Variants in CSMD1 observed in about 807,000 individuals in gnomAD.
The protein encoded by CSMD1 is CUB and Sushi multiple domains 1.
Under a neutral mutation model 417.5 loss-of-function variants are expected in CSMD1, and 213 were observed. The observed-to-expected ratio is 0.51, with a 90% confidence interval of 0.46 to 0.57. CSMD1 has a LOEUF of 0.57. CSMD1 is among the 20% of genes least tolerant of loss of function. The pLI, the probability that CSMD1 is intolerant of heterozygous loss-of-function variation, is 0.00. For synonymous variants in CSMD1, 2,862 were observed against 1,736.8 expected (o/e 1.65, Z -16.11); for missense variants, 6,923 against 4,529.7 (o/e 1.53, Z -15.17).
At chr8:4,705,550 C>A (rs182090512) in intron 1 of CSMD1, among the ~76,000 whole-genome samples, 4 of 152,152 alleles carry the variant, frequency 2.6e-5, no homozygotes, top group Admixed American at 2.6e-4. Flanking sequence ...GATTCTACTA[C>A]GGCATATTTC....
intron 33 of CSMD1, among the ~76,000 whole-genome samples, chr8:3,198,672 C>G (rs1796831692): frequency 6.6e-6 from 1 of 152,138 alleles, no homozygotes. Context: ...GGTTTTTACA[C>G]TGAACTGTTT....
intron 26 of CSMD1, among the ~76,000 whole-genome samples, chr8:3,246,366 C>A (rs1469955172): frequency 6.6e-6 from 1 of 152,154 alleles, no homozygotes; most frequent in African/African-American, 2.4e-5. Context: ...TTTGGGTCAC[C>A]CTGAAATGCC....
intron 3 of CSMD1, among the ~76,000 whole-genome samples, chr8:4,278,157 C>T (rs553494373): frequency 5.9e-5 from 9 of 152,266 alleles, no homozygotes; most frequent in African/African-American, 2.2e-4. Context: ...AGAATCTATT[C>T]TTGAATTTCA....
chr8:2,950,264 C>A lies in CSMD1; in HGVS notation c.10281G>T (p.Lys3427Asn). The A allele has an allele frequency of 6.2e-7, 1 of 1,613,140 alleles. No homozygotes were observed. The highest frequency in any genetic ancestry group is 1.3e-5 in the African/African-American group (1 of 74,990). ...CTAGTCCCCAGTTGTCATTTTCGAA[C>A]TTGCTTACAAAAATATCTGCCTGGC... The part of the protein sequence containing the change: ...IKGQADIFVS[K>N]FENDNWGLDG... The change falls in exon 67 of 70, where the codon AAG becomes AAT. Residue 3427 changes from lysine (K) to asparagine (N), a missense_variant. By Grantham distance (94) the Lys-to-Asn change is moderately conservative. Coordinates refer to ENST00000635120, the MANE Select transcript of CSMD1 (RefSeq NM_033225.6).
chr8:3,998,939 T>C (rs1419775684), intron 4 of CSMD1, among the ~76,000 whole-genome samples: 2 of 148,820 alleles, frequency 1.3e-5, no homozygotes, highest in Non-Finnish European at 3.0e-5. Context: ...GTAGTTTATA[T>C]ATAAATAACA....
intron 12 of CSMD1, among the ~76,000 whole-genome samples, chr8:3,445,850 A>G (rs1490002072): frequency 2.0e-5 from 3 of 152,218 alleles, no homozygotes; most frequent in Non-Finnish European, 4.4e-5. Context: ...AAGAAAGAGT[A>G]TAATTCAAGA....
At chr8:2,953,388 C>T (rs1802767875) in intron 65 of CSMD1, among the ~76,000 whole-genome samples, 1 of 149,336 alleles carries the variant, frequency 6.7e-6, no homozygotes, top group African/African-American at 2.5e-5. Context: ...ATGTGTCACA[C>T]AGTATCCTGA....
chr8:4,428,297 C>T (rs551746964), intron 2 of CSMD1, among the ~76,000 whole-genome samples: 33 of 152,308 alleles, frequency 2.2e-4, no homozygotes, highest in Non-Finnish European at 4.1e-4. Flanking sequence ...ACCAAGACAA[C>T]TACTTCACAT....
At position 3,284,054 on chromosome 8, in the gene CSMD1, G is replaced by C. The variant is rs1045270823; in HGVS notation, c.4153+90C>G. On this transcript the variant is annotated intron_variant, in intron 26 of 69. Transcript: ENST00000635120. ...GCTCAATAAATTGCATCTGTGTAAG[G>C]AGACGCTGGTGAATATAAATGGAGG... The C allele has an allele frequency of 4.6e-5, 49 of 1,057,492 alleles. 1 individual carries two copies. The South Asian group carries it at 6.6e-4, about 14-fold the overall frequency. 65.5% of individuals were successfully genotyped at this position (1,057,492 alleles called of 1,614,324 possible).
chr8:3,142,032 C>T (rs1481811847), intron 41 of CSMD1, among the ~76,000 whole-genome samples: 1 of 152,048 alleles, frequency 6.6e-6, no homozygotes, highest in South Asian at 2.1e-4. Flanking sequence ...CTCCTGACCT[C>T]GTGATCCGCC....
rs1275713985 is a variant in CSMD1 at position 2,966,669 on chromosome 8, C to T, written c.9001G>A (p.Val3001Ile). 7 of 1,613,650 alleles carry T rather than the reference C, an allele frequency of 4.3e-6. No homozygotes were observed. In the African/African-American group the frequency reaches 9.3e-5, roughly 22 times the overall value. Residue 3001 changes from valine (V) to isoleucine (I), a missense_variant, in exon 58 of 70, where the codon GTC becomes ATC. Transcript: ENST00000635120. ...TAGCCTTCCCAGCAGGCATAGATGA[C>T]CGAGCTGGAGAACAGAATGCCATCA... ...SSDGILFSSS[V>I]IYACWEGYKT...
At chr8:4,773,506 T>C (rs945154547) in intron 1 of CSMD1, among the ~76,000 whole-genome samples, 1 of 152,174 alleles carries the variant, frequency 6.6e-6, no homozygotes, top group Non-Finnish European at 1.5e-5. Context: ...TACTCTCAGA[T>C]TGCTTCCTCA....
chr8:3,657,237 T>C (rs552843310), intron 7 of CSMD1, among the ~76,000 whole-genome samples: 1 of 152,142 alleles, frequency 6.6e-6, no homozygotes, highest in African/African-American at 2.4e-5. Flanking sequence ...ATAATCAACA[T>C]ACAAAAGCAG....
chr8:4,000,762 A>G (rs2130360868), intron 4 of CSMD1, among the ~76,000 whole-genome samples: 1 of 152,098 alleles, frequency 6.6e-6, no homozygotes, highest in Admixed American at 6.5e-5. Context: ...TAATATTTAG[A>G]TTTTATTCTT....
chr8:3,129,781 G>C (rs1427259065), intron 41 of CSMD1, among the ~76,000 whole-genome samples: 1 of 152,000 alleles, frequency 6.6e-6, no homozygotes, highest in African/African-American at 2.4e-5. Context: ...TTGAGGTCAG[G>C]AATTCAAGAC....
intron 3 of CSMD1, among the ~76,000 whole-genome samples, chr8:4,219,984 C>G (rs1479821375): frequency 3.9e-5 from 6 of 152,100 alleles, no homozygotes; most frequent in Admixed American, 3.9e-4. Flanking sequence ...GAGTCTCACT[C>G]TGTCACCCAG....
chr8:4,579,290 A>T (rs1401493492), intron 2 of CSMD1, among the ~76,000 whole-genome samples: 3 of 151,226 alleles, frequency 2.0e-5, no homozygotes, highest in Admixed American at 6.6e-5. Flanking sequence ...TATATATATA[A>T]AAAATCCTCT....
At position 3,936,546 on chromosome 8, in the gene CSMD1, G is replaced by T. The variant is rs111698095; in HGVS notation, c.818+61357C>A. ...GCTAAATCAACTATGCTCCATCAAT[G>T]GAACAACAAAGCCGGGAAGATAGCA... On this transcript the variant is annotated intron_variant, in intron 5 of 69. Coordinates refer to ENST00000635120, the MANE Select transcript of CSMD1 (RefSeq NM_033225.6). Among the ~76,000 whole-genome samples, 1,369 of 152,226 alleles carry T rather than the reference G, an allele frequency of 9.0e-3. 21 individuals are homozygous for T. Among genetic ancestry groups the T allele is most frequent in the African/African-American group, 0.031 (1,272 of 41,532 alleles).
At chr8:4,659,410 A>C (rs1458637795) in intron 1 of CSMD1, among the ~76,000 whole-genome samples, 2 of 152,176 alleles carry the variant, frequency 1.3e-5, no homozygotes, top group East Asian at 1.9e-4. Flanking sequence ...AAACAATAGA[A>C]TCTACAAACA....
Sources: gnomAD v4.1 joint callset for allele counts (sites outside exome capture counted in the v4.1 genomes callset) on GRCh38, gnomAD v4.1.1 for gene constraint, MANE v1.5 for transcripts, NCBI Gene and HGNC (gene_info 2026-07-23, HGNC 2026-07-21) for gene names.